Variants in SNX1 observed in about 807,000 individuals in gnomAD.
SNX1 encodes the protein sorting nexin 1.
In SNX1, 36 loss-of-function variants were observed where a neutral mutation model predicts 71.8. That is an observed-to-expected ratio of 0.50 (90% CI 0.38 to 0.66). The LOEUF is 0.66. Ranked by LOEUF, SNX1 falls within the 30% of genes least tolerant of loss-of-function variation. SNX1 has a pLI of 0.00. For synonymous variants in SNX1, 254 were observed against 240.7 expected, an observed-to-expected ratio of 1.06 and a Z score of -0.51; for missense variants, 612 against 646.7, an observed-to-expected ratio of 0.95 and a Z score of 0.58.
rs761356614 is a variant in SNX1, at chr15:64,129,881, G to T, written c.808-35G>T. On this transcript the variant is annotated intron_variant, in intron 8 of 14. Transcript: ENST00000559844. The surrounding 1 kb of genome is among the most constrained non-coding windows in gnomAD (Gnocchi z 4.4). ...TTCTGAACCTAAAATAGGGGCAGCA[G>T]ATAACTTGCCATCCCTGCCTTCTTG... is the stretch of plus-strand genomic sequence containing the variant. 47 of 1,474,764 alleles carry T rather than the reference G, an allele frequency of 3.2e-5. No individual in the cohort carries two copies. The highest frequency in any genetic ancestry group is 4.5e-5 in the Non-Finnish European group (47 of 1,053,790). 91.4% of individuals were successfully genotyped at this position (1,474,764 alleles called of 1,614,324 possible). A position where few individuals can be genotyped will look rare whatever the true frequency, so the allele number is the denominator to read the frequency against.
chr15:64,123,242 G>A (rs1334294542), intron 4 of SNX1, among the ~76,000 whole-genome samples: 1 of 152,182 alleles, frequency 6.6e-6, no homozygotes, highest in Non-Finnish European at 1.5e-5. Flanking sequence ...AGCCTGGCCT[G>A]GCTTTGGAAC....
chr15:64,128,551 TC>T (rs1555492504), intron 8 of SNX1, among the ~76,000 whole-genome samples: 1 of 152,218 alleles, frequency 6.6e-6, no homozygotes, highest in Non-Finnish European at 1.5e-5. Flanking sequence ...AATTTTTCTT[TC>T]ATTTGTATGT....
chr15:64,131,567 G>T, intron 10 of SNX1, 120 bp from the exon 11 acceptor site: 4 of 848,246 alleles, frequency 4.7e-6, no homozygotes, highest in Non-Finnish European at 7.4e-6. Flanking sequence ...GGGTTGCAGA[G>T]CCCTCAGTTC....
intron 2 of SNX1, among the ~76,000 whole-genome samples, chr15:64,117,483 C>G (rs1018607327): frequency 1.3e-5 from 2 of 152,160 alleles, no homozygotes; most frequent in African/African-American, 4.8e-5. Flanking sequence ...GTTTTAAACT[C>G]CTGAGCTCAG....
Position 64,142,815 on chromosome 15 carries a change from A to C in SNX1, c.*5197A>C, listed in dbSNP as rs1441934535. 39 of 366,788 alleles carry C rather than the reference A, an allele frequency of 1.1e-4. No homozygotes were observed. Among genetic ancestry groups the C allele is most frequent in the South Asian group, 7.6e-4 (39 of 51,410 alleles). The allele number at this position is 366,788 out of a possible 1,614,324, so 22.7% of individuals were successfully genotyped here. ...AAAATAAATGAGAGAAACGGGAATAAGAATTGTCGCCTACACAAAAATACC... is the reference window on the plus strand; with the variant it reads ...AAAATAAATGAGAGAAACGGGAATACGAATTGTCGCCTACACAAAAATACC... On this transcript the variant is annotated 3_prime_UTR_variant, in exon 15 of 15. Transcript: ENST00000559844.
At chr15:64,123,414 A>G (rs1360137853) in intron 4 of SNX1, 89 bp from the exon 5 acceptor site, 13 of 1,123,730 alleles carry the variant, frequency 1.2e-5, no homozygotes, top group Non-Finnish European at 1.4e-5. Flanking sequence ...CAGGGTTCCT[A>G]TGGCTTTTAT....
chr15:64,134,765 C>G lies in SNX1; in HGVS notation c.1323C>G (p.Asn441Lys), dbSNP rs200417063. 13 of 1,614,012 alleles carry G rather than the reference C, an allele frequency of 8.1e-6. No homozygotes were observed. The East Asian group carries it at 1.3e-4, about 17-fold the overall frequency. The stretch of plus-strand genomic sequence containing the variant: ...CCGAGGCTCGGCTGCTGTGGGCCAA[C>G]AAGCCTGATAAGCTGCAGCAGGCCA... ...REAEARLLWA[N>K]KPDKLQQAKD... The change falls in exon 12 of 15, where the codon AAC becomes AAG. Residue 441 changes from asparagine (N) to lysine (K), a missense_variant. Physicochemically the swap from Asn to Lys is moderately conservative, Grantham distance 94. This residue lies in a region of SNX1 where 296 missense variants were observed against 361.9 expected (regional missense o/e 0.82). Coordinates refer to ENST00000559844, the MANE Select transcript of SNX1 (RefSeq NM_003099.5). This position sits in a 1 kb window ranked among gnomAD's most constrained non-coding sequence, Gnocchi z 4.1.
At chr15:64,102,932 A>G (rs2080980199) in intron 1 of SNX1, among the ~76,000 whole-genome samples, 1 of 151,654 alleles carries the variant, frequency 6.6e-6, no homozygotes, top group East Asian at 1.9e-4. Context: ...ATGCCCAGCT[A>G]ATTTTTGTAT....
intron 11 of SNX1, 119 bp downstream of exon 11, chr15:64,132,011 A>C (rs1314302076): frequency 3.0e-6 from 3 of 1,005,960 alleles, no homozygotes; most frequent in South Asian, 1.6e-5. Flanking sequence ...CACTTTTTCT[A>C]CTTTTAAGAG....
At chr15:64,121,462 T>G (rs1265917278) in intron 4 of SNX1, among the ~76,000 whole-genome samples, 1 of 152,192 alleles carries the variant, frequency 6.6e-6, no homozygotes, top group Non-Finnish European at 1.5e-5. Context: ...CGTCTCCACA[T>G]TGCCTTCCCT....
chr15:64,126,465 C>T lies in SNX1; in HGVS notation c.652+245C>T, dbSNP rs562302831. 1.7e-4 allele frequency among the ~76,000 whole-genome samples: 26 copies of T among 152,294 alleles called. No homozygotes were observed. In the South Asian group the frequency reaches 2.9e-3, roughly 17 times the overall value. On this transcript the variant is annotated intron_variant, in intron 6 of 14. Transcript: ENST00000559844. ...TGTTCGTTTGTTTTCTGTTGGTCTT[C>T]AGGAGTCTTACATGATTGCGGTTGC...
At chr15:64,131,559 G>A (rs774880913) in intron 10 of SNX1, 128 bp from the exon 11 acceptor site, 5 of 787,330 alleles carry the variant, frequency 6.4e-6, no homozygotes, top group Non-Finnish European at 8.2e-6. Context: ...AAGTGACTGG[G>A]TTGCAGAGCC....
In SNX1 at chr15:64,138,442, T is replaced by C. The variant is rs377573057; in HGVS notation, c.*824T>C. The C allele has an allele frequency of 3.9e-5, 17 of 441,338 alleles. No homozygotes were observed. The highest frequency in any genetic ancestry group is 6.1e-4 in the Middle Eastern group (1 of 1,628). The allele number at this position is 441,338 out of a possible 1,614,324, so 27.3% of individuals were successfully genotyped here. The stretch of plus-strand genomic sequence containing the variant: ...TCTTGCCCTCTGATGGCAAGTCTTA[T>C]ATATAACTAAACCTATTTTTGTCAC... On this transcript the variant is annotated 3_prime_UTR_variant, in exon 15 of 15. Coordinates refer to ENST00000559844, the MANE Select transcript of SNX1 (RefSeq NM_003099.5).
At position 64,127,270 on chromosome 15, in the gene SNX1, A is replaced by T; in HGVS notation, c.731+18A>T. 6.3e-7 allele frequency: 1 copy of T among 1,588,554 alleles called. No homozygotes were observed. The highest frequency in any genetic ancestry group is 8.6e-7 in the Non-Finnish European group (1 of 1,161,056). On this transcript the variant is annotated intron_variant, in intron 7 of 14. Transcript: ENST00000559844. ...TTAGAAAGGTAAGTGCCATGCAGCC[A>T]TTTTCCTGAATAATGTGAGGACAAA...
intron 4 of SNX1, among the ~76,000 whole-genome samples, chr15:64,121,181 C>G (rs1450522901): frequency 6.6e-6 from 1 of 152,192 alleles, no homozygotes; most frequent in Admixed American, 6.5e-5. Flanking sequence ...TGTAATAAGT[C>G]ATGATGTCTG....
chr15:64,110,258 A>G (rs1463992158), intron 1 of SNX1, among the ~76,000 whole-genome samples: 1 of 152,232 alleles, frequency 6.6e-6, no homozygotes, highest in Admixed American at 6.5e-5. Flanking sequence ...GGTCATGTCT[A>G]TCTTCAGCTC....
intron 4 of SNX1, among the ~76,000 whole-genome samples, chr15:64,119,938 G>A (rs910494807): frequency 1.3e-4 from 20 of 152,100 alleles, no homozygotes; most frequent in Admixed American, 3.9e-4. Flanking sequence ...TATGAGGTGG[G>A]GAAGTCTATC....
At chr15:64,132,872 C>T (rs542722669) in intron 11 of SNX1, among the ~76,000 whole-genome samples, 46 of 152,312 alleles carry the variant, frequency 3.0e-4, no homozygotes, top group African/African-American at 1.1e-3. Context: ...GCTGCTAACT[C>T]CAGAGTGATG....
intron 7 of SNX1, 123 bp downstream of exon 7, chr15:64,127,375 A>G (rs2081264662): frequency 1.4e-6 from 1 of 727,268 alleles, no homozygotes; most frequent in Non-Finnish European, 2.3e-6. Context: ...GAAGTTGCAC[A>G]CCTCCATATT....
Sources: allele counts gnomAD v4.1 joint callset (sites outside exome capture counted in the v4.1 genomes callset), GRCh38; gene constraint gnomAD v4.1.1; regional missense constraint gnomAD v4.1.1; non-coding constraint Gnocchi (gnomAD v3.1); transcripts MANE v1.5; gene names NCBI Gene and HGNC (gene_info 2026-07-23, HGNC 2026-07-21).